Variants in TANGO6 observed in about 807,000 individuals in gnomAD.
TANGO6 encodes transport and golgi organization 6 homolog.
TANGO6 carries 90 observed loss-of-function variants against 114.2 expected under a neutral mutation model. That is an observed-to-expected ratio of 0.79 (90% CI 0.66 to 0.94). TANGO6 has a LOEUF of 0.94. Among genes scored for constraint, TANGO6 ranks in the 40% least tolerant of loss-of-function variants. The pLI, the probability that TANGO6 is intolerant of heterozygous loss-of-function variation, is 0.00. For missense variants in TANGO6, 1,274 were observed against 1,315.3 expected (o/e 0.97, Z 0.49); for synonymous variants, 477 against 509.8 (o/e 0.94, Z 0.87).
At chr16:69,036,027 A>G (rs1959680426) in intron 16 of TANGO6, 1 of 149,606 alleles carries the variant, frequency 6.7e-6, no homozygotes. Context: ...TGAGCTACAG[A>G]GCAAGACTCT....
chr16:69,059,259 T>TG (rs531681068), intron 17 of TANGO6, among the ~76,000 whole-genome samples: 6 of 151,608 alleles, frequency 4.0e-5, no homozygotes, highest in South Asian at 2.1e-4. Flanking sequence ...TTAGTAGAGA[T>TG]GGGGGTCTCA....
chr16:69,039,302 T>C (rs905578352), intron 16 of TANGO6, among the ~76,000 whole-genome samples: 2 of 144,636 alleles, frequency 1.4e-5, no homozygotes, highest in Non-Finnish European at 3.0e-5. Context: ...CACTCCAGCC[T>C]GGGCAACAGA....
At chr16:69,024,912 A>C (rs753073224) in intron 16 of TANGO6, among the ~76,000 whole-genome samples, 2 of 152,090 alleles carry the variant, frequency 1.3e-5, no homozygotes, top group Non-Finnish European at 2.9e-5. Flanking sequence ...GGTTCAAGCG[A>C]TTCTCCCGCA....
At chr16:69,063,993 C>A (rs1324881646) in intron 17 of TANGO6, among the ~76,000 whole-genome samples, 2 of 151,996 alleles carry the variant, frequency 1.3e-5, no homozygotes, top group South Asian at 2.1e-4. Flanking sequence ...TGTGCCACCA[C>A]GCGTGGCTAA....
intron 15 of TANGO6, among the ~76,000 whole-genome samples, chr16:68,977,299 T>A (rs1019445413): frequency 3.3e-5 from 5 of 150,874 alleles, no homozygotes; most frequent in Admixed American, 3.3e-4. Flanking sequence ...AGAGTGAAAT[T>A]TATTTTGTTT....
intron 17 of TANGO6, among the ~76,000 whole-genome samples, chr16:69,044,071 A>G (rs998422537): frequency 6.6e-6 from 1 of 152,086 alleles, no homozygotes; most frequent in African/African-American, 2.4e-5. Flanking sequence ...TACTGCATTC[A>G]CTTTCTTTTT....
chr16:68,974,211 C>G, intron 15 of TANGO6, 43 bp downstream of exon 15: 1 of 1,612,628 alleles, frequency 6.2e-7, no homozygotes. Flanking sequence ...GGTGGAGGAT[C>G]AGTGTGACTT....
chr16:68,958,480 ACT>A (rs1381419349), intron 14 of TANGO6, among the ~76,000 whole-genome samples: 2 of 137,914 alleles, frequency 1.5e-5, no homozygotes, highest in East Asian at 4.1e-4. Context: ...CAAGAGCGAA[ACT>A]CTGTCTCAAA....
intron 11 of TANGO6, among the ~76,000 whole-genome samples, chr16:68,913,958 C>T (rs1962964113): frequency 6.6e-6 from 1 of 152,084 alleles, no homozygotes; most frequent in Non-Finnish European, 1.5e-5. Flanking sequence ...CCAAGGGACT[C>T]TGAACTGGGT....
intron 17 of TANGO6, among the ~76,000 whole-genome samples, chr16:69,042,115 T>A (rs754691035): frequency 1.3e-5 from 2 of 152,208 alleles, no homozygotes; most frequent in Admixed American, 6.5e-5. Context: ...CAAAGGAGCC[T>A]GACAATGTAT....
intron 15 of TANGO6, among the ~76,000 whole-genome samples, chr16:68,976,077 G>C (rs1296426332): frequency 6.6e-6 from 1 of 152,016 alleles, no homozygotes; most frequent in East Asian, 1.9e-4. Context: ...TGGGACTAGA[G>C]GTACATGCCA....
chr16:68,922,409 G>A (rs1463151957), intron 12 of TANGO6, among the ~76,000 whole-genome samples: 1 of 152,062 alleles, frequency 6.6e-6, no homozygotes, highest in East Asian at 1.9e-4. Flanking sequence ...GGTGGCGCGT[G>A]CCTATAATCC....
intron 17 of TANGO6, among the ~76,000 whole-genome samples, chr16:69,067,950 A>G (rs1018254245): frequency 2.0e-5 from 3 of 150,246 alleles, no homozygotes; most frequent in Non-Finnish European, 4.4e-5. Flanking sequence ...AAAAAAAAAA[A>G]AAAAAAGAAA....
At chr16:68,849,282 C>T (rs796314133) in intron 1 of TANGO6, among the ~76,000 whole-genome samples, 27 of 152,080 alleles carry the variant, frequency 1.8e-4, no homozygotes, top group African/African-American at 6.0e-4. Context: ...GGCAGTGAGC[C>T]GAGACTGTGC....
intron 9 of TANGO6, 23 bp downstream of exon 9, chr16:68,902,527 G>A (rs1962799623): frequency 1.3e-6 from 2 of 1,575,544 alleles, no homozygotes; most frequent in East Asian, 2.3e-5. Context: ...ATCCGTTACT[G>A]TTCTCTTCAG....
intron 1 of TANGO6, among the ~76,000 whole-genome samples, chr16:68,858,996 T>G (rs936863522): frequency 2.6e-5 from 4 of 152,224 alleles, no homozygotes; most frequent in African/African-American, 4.8e-5. Context: ...TCTGTCTTAA[T>G]GCCATTGTAG....
chr16:68,882,230 C>T (rs1244021681), intron 7 of TANGO6, among the ~76,000 whole-genome samples: 5 of 152,066 alleles, frequency 3.3e-5, no homozygotes, highest in African/African-American at 1.2e-4. Flanking sequence ...GGCACGGTGG[C>T]TCACACCTGT....
chr16:68,897,410 G>A (rs533864596), intron 7 of TANGO6, among the ~76,000 whole-genome samples: 3 of 152,274 alleles, frequency 2.0e-5, no homozygotes, highest in African/African-American at 7.2e-5. Context: ...CTGCAAGTGT[G>A]CTAGCACAAA....
rs890290339 is a variant in TANGO6 at position 69,021,893 on chromosome 16, T to C, written c.2843-935T>C. 2.7e-5 allele frequency among the ~76,000 whole-genome samples: 4 copies of C among 150,766 alleles called. No homozygotes were observed. The East Asian group carries it at 5.8e-4, about 22-fold the overall frequency. ...ATATGTAAATTTTTTTTTCTTTTTT[T>C]TTTTTTTTTTAAGACAGAATCTCAC... On this transcript the variant is annotated intron_variant, in intron 15 of 17. Coordinates refer to ENST00000261778, the MANE Select transcript of TANGO6 (RefSeq NM_024562.2).
Sources: gnomAD v4.1 joint callset for allele counts (sites outside exome capture counted in the v4.1 genomes callset) on GRCh38, gnomAD v4.1.1 for gene constraint, MANE v1.5 for transcripts, NCBI Gene and HGNC (gene_info 2026-07-23, HGNC 2026-07-21) for gene names.